ZNF343: variants seen among roughly 807,000 people sequenced by gnomAD.
ZNF343 encodes zinc finger protein 343.
Under a neutral mutation model 13.8 loss-of-function variants are expected in ZNF343, and 11 were observed. The observed-to-expected ratio is 0.80, with a 90% confidence interval of 0.50 to 1.32. The LOEUF is 1.32. ZNF343 is among the 40% of genes most tolerant of loss of function. The pLI is 0.00. For missense variants in ZNF343, 658 were observed against 714.2 expected (o/e 0.92, Z 0.90); for synonymous variants, 248 against 260.0 (o/e 0.95, Z 0.44).
chr20:2,493,915 T>C lies in ZNF343; in HGVS notation c.-20A>G, dbSNP rs557755096. The C allele has an allele frequency of 4.6e-5, 71 of 1,541,788 alleles. No individual in the cohort carries two copies. In the East Asian group the frequency reaches 1.5e-3, roughly 32 times the overall value. ...CATCATGGCGCCAGAGTCAGCCCAG[T>C]GTGTGCCTTGAAATTCTGCCAGAGG... is the stretch of plus-strand genomic sequence containing the variant. On this transcript the variant is annotated 5_prime_UTR_variant, in exon 3 of 6. Coordinates refer to ENST00000278772, the MANE Select transcript of ZNF343 (RefSeq NM_024325.6).
At chr20:2,490,532 T>G (rs912305928) in intron 5 of ZNF343, among the ~76,000 whole-genome samples, 1 of 148,520 alleles carries the variant, frequency 6.7e-6, no homozygotes, top group South Asian at 2.1e-4. Context: ...TGGGTCTTTT[T>G]TTTGGTTTTT....
intron 5 of ZNF343, among the ~76,000 whole-genome samples, chr20:2,490,537 G>GTTTTTTTTTTTTTTTTTTT (rs67601660): frequency 8.0e-6 from 1 of 124,650 alleles, no homozygotes. Flanking sequence ...CTTTTTTTTG[G>GTTTTTTTTTTTTTTTTTTT]TTTTTGTTTT....
rs1279635433 is a variant in ZNF343, at chr20:2,518,937, A to T, written c.-347+5518T>A. Among the ~76,000 whole-genome samples the T allele has an allele frequency of 6.6e-6, 1 of 152,174 alleles. No homozygotes were observed. The highest frequency in any genetic ancestry group is 2.4e-5 in the African/African-American group (1 of 41,432). On this transcript the variant is annotated intron_variant, in intron 1 of 6. Coordinates refer to the ZNF343 transcript ENST00000358413. The surrounding 1 kb of genome is among the most constrained non-coding windows in gnomAD (Gnocchi z 4.6). ...TTCTCACAAGATCTGATGGTTTAAA[A>T]GTGTTTGGCAGTTCCCTGCCCCCCT...
chr20:2,493,644 C>G, intron 3 of ZNF343, 67 bp from the exon 4 acceptor site: 9 of 974,914 alleles, frequency 9.2e-6, no homozygotes, highest in Non-Finnish European at 1.3e-5. Context: ...CCATGACGCT[C>G]CCTGAGCAGC....
chr20:2,504,073 TAAA>T (rs1451353315), intron 1 of ZNF343, among the ~76,000 whole-genome samples: 1 of 151,450 alleles, frequency 6.6e-6, no homozygotes, highest in Non-Finnish European at 1.5e-5. Flanking sequence ...GCAAGACTAA[TAAA>T]GAAGAAAAGA....
In ZNF343 at chr20:2,508,665, G is replaced by A. The variant is rs1003588116; in HGVS notation, c.-237+216C>T. On this transcript the variant is annotated intron_variant, in intron 1 of 5. Coordinates refer to ENST00000278772, the MANE Select transcript of ZNF343 (RefSeq NM_024325.6). This position sits in a 1 kb window ranked among gnomAD's most constrained non-coding sequence, Gnocchi z 4.5. The stretch of plus-strand genomic sequence containing the variant: ...GTCCCCCCGGGGGGAAAAAAGGTCC[G>A]CGGAGGTCCGGGCAAGCAGGGGCTC... 1 of 152,276 alleles carries A rather than the reference G, an allele frequency of 6.6e-6. No individual in the cohort carries two copies. The highest frequency in any genetic ancestry group is 1.5e-5 in the Non-Finnish European group (1 of 68,118). 9.4% of individuals were successfully genotyped at this position (152,276 alleles called of 1,614,324 possible). A position where few individuals can be genotyped will look rare whatever the true frequency, so the allele number is the denominator to read the frequency against.
Position 2,484,361 on chromosome 20 carries a change from C to T in ZNF343, c.600G>A (p.Gln200=). ...TGTTGCCTTTTCTAGGACTTGCTGA[C>T]TGTCTTTGGAGTGGGCTGGGGAATG... ...SRAFPSPLQR[Q]SASPRKGNMV... Residue 200 remains glutamine (Q), a synonymous_variant, in exon 6 of 6, where the codon CAG becomes CAA. Transcript: ENST00000278772. The T allele has an allele frequency of 6.2e-7, 1 of 1,614,244 alleles. No individual in the cohort carries two copies. The highest frequency in any genetic ancestry group is 8.5e-7 in the Non-Finnish European group (1 of 1,180,042).
chr20:2,510,141 A>G (rs986208811), upstream of ZNF343, among the ~76,000 whole-genome samples: 67 of 152,258 alleles, frequency 4.4e-4, no homozygotes, highest in Non-Finnish European at 5.0e-4. Context: ...AAGGCAATTA[A>G]CTAGTGTAGA....
At chr20:2,500,774 G>A (rs2085548507) in intron 1 of ZNF343, 32 bp from the exon 2 acceptor site, 1 of 152,152 alleles carries the variant, frequency 6.6e-6, no homozygotes, top group African/African-American at 2.4e-5. Context: ...TGAGATTCAG[G>A]ATTGTCTCCT....
At chr20:2,486,269 T>C (rs866317782) in intron 5 of ZNF343, among the ~76,000 whole-genome samples, 4 of 152,190 alleles carry the variant, frequency 2.6e-5, no homozygotes, top group South Asian at 2.1e-4. Context: ...ACCCCATGTA[T>C]ACTCACTATG....
chr20:2,504,632 C>T lies in ZNF343; in HGVS notation c.-236-3890G>A, dbSNP rs575441153. Among the ~76,000 whole-genome samples, 76 of 152,266 alleles carry T rather than the reference C, an allele frequency of 5.0e-4. No homozygotes were observed. In the South Asian group the frequency reaches 0.011, roughly 23 times the overall value. On this transcript the variant is annotated intron_variant, in intron 1 of 5. Coordinates refer to ENST00000278772, the MANE Select transcript of ZNF343 (RefSeq NM_024325.6). ...TCAAGTGGTCTTCATCCCTGGGATG[C>T]AAGGCTGGTTCAACATATGCAAATC...
At chr20:2,497,465 G>T (rs995543271) in intron 2 of ZNF343, among the ~76,000 whole-genome samples, 9 of 152,308 alleles carry the variant, frequency 5.9e-5, no homozygotes, top group African/African-American at 1.9e-4. Context: ...GGAGCCAAGT[G>T]ACAAGGTGTG....
intron 1 of ZNF343, among the ~76,000 whole-genome samples, chr20:2,521,456 C>T (rs2085782090): frequency 6.6e-6 from 1 of 152,148 alleles, no homozygotes; most frequent in South Asian, 2.1e-4. Flanking sequence ...TAGAGATAGC[C>T]TGTGGAGCCC....
chr20:2,523,304 T>A (rs551127454), intron 1 of ZNF343, among the ~76,000 whole-genome samples: 17 of 152,314 alleles, frequency 1.1e-4, no homozygotes, highest in Non-Finnish European at 2.2e-4. Flanking sequence ...AATCCACACC[T>A]TGTTTAGCAT....
rs1226578936 is a variant in ZNF343, at chr20:2,518,170, C to T, written c.-347+6285G>A. Among the ~76,000 whole-genome samples, 5 of 152,034 alleles carry T rather than the reference C, an allele frequency of 3.3e-5. No individual in the cohort carries two copies. Among genetic ancestry groups the T allele is most frequent in the African/African-American group, 1.2e-4 (5 of 41,394 alleles). On this transcript the variant is annotated intron_variant, in intron 1 of 6. Transcript: ENST00000358413. This position sits in a 1 kb window ranked among gnomAD's most constrained non-coding sequence, Gnocchi z 4.6. ...CTGGGATTACAGGCGCGTGCCACCACGTCTGGCTACCTTTTTGTATTTTTT... is the reference window on the plus strand; with the variant it reads ...CTGGGATTACAGGCGCGTGCCACCATGTCTGGCTACCTTTTTGTATTTTTT...
chr20:2,492,353 T>G (rs992128450), intron 5 of ZNF343, among the ~76,000 whole-genome samples: 3 of 152,242 alleles, frequency 2.0e-5, no homozygotes, highest in Non-Finnish European at 4.4e-5. Flanking sequence ...CACCACATTA[T>G]GTCTTTAGAC....
chr20:2,510,552 G>T (rs1031606684), upstream of ZNF343, among the ~76,000 whole-genome samples: 7 of 152,144 alleles, frequency 4.6e-5, no homozygotes, highest in Non-Finnish European at 1.0e-4. Context: ...AGAGAACATG[G>T]CCCCAAGGCC....
chr20:2,520,200 A>G (rs1568494147), intron 1 of ZNF343, among the ~76,000 whole-genome samples: 1 of 152,180 alleles, frequency 6.6e-6, no homozygotes, highest in Non-Finnish European at 1.5e-5. Flanking sequence ...GCACTTTAAG[A>G]TTCTATGTTT....
Position 2,521,829 on chromosome 20 carries a change from G to C in ZNF343, c.-347+2626C>G, listed in dbSNP as rs74733065. Among the ~76,000 whole-genome samples, 1,267 of 152,316 alleles carry C rather than the reference G, an allele frequency of 8.3e-3. 21 individuals carry two copies. The highest frequency in any genetic ancestry group is 0.029 in the African/African-American group (1,200 of 41,564). ...TGGAGGGAAAAGCTGGGACATAGAC[G>C]TGGGTGGTCGCGGTCAAAATCAATT... On this transcript the variant is annotated intron_variant, in intron 1 of 6. Coordinates refer to the ZNF343 transcript ENST00000358413.
Sources: gnomAD v4.1 joint callset for allele counts (sites outside exome capture counted in the v4.1 genomes callset) on GRCh38, gnomAD v4.1.1 for gene constraint, Gnocchi (gnomAD v3.1) non-coding constraint, MANE v1.5 for transcripts, NCBI Gene and HGNC (gene_info 2026-07-23, HGNC 2026-07-21) for gene names.